The following ADCY10 variants were observed in gnomAD, a reference collection of about 807,000 sequenced individuals.
ADCY10 encodes adenylate cyclase 10, also known as adenylate cyclase type 10.
In ADCY10, 156 loss-of-function variants were observed where a neutral mutation model predicts 183.3. The observed-to-expected ratio is 0.85, with a 90% CI of 0.75 to 0.97. The LOEUF (loss-of-function observed/expected upper bound fraction) is 0.97. ADCY10 is among the 50% of genes least tolerant of loss of function. The probability of loss-of-function intolerance (pLI) is 0.00; values close to 1 mark genes in which losing one functional copy is unlikely to be tolerated. For missense variants in ADCY10, 1,745 were observed against 1,934.3 expected (o/e 0.90, Z 1.84); for synonymous variants, 645 against 670.0 (o/e 0.96, Z 0.58).
Position 167,836,388 on chromosome 1 carries a change from G to A in ADCY10, c.3230C>T (p.Ala1077Val), listed in dbSNP as rs1664196379. The change falls in exon 23 of 33, where the codon GCT becomes GTT. Residue 1077 changes from alanine to valine, a missense_variant. Physicochemically the swap from Ala to Val is moderately conservative, Grantham distance 64 (BLOSUM62 0). Coordinates refer to ENST00000367851, the MANE Select transcript of ADCY10 (RefSeq NM_018417.6). The stretch of plus-strand genomic sequence containing the variant: ...TAAGGCTTTGTCATTTTCTCCCAAA[G>A]CCAGAAAATGGTGGGCCAGAGGCAA... ...VILPLAHHFL[A>V]LGENDKALYY... 1 of 1,614,000 alleles carries A rather than the reference G, an allele frequency of 6.2e-7. No homozygotes were observed. Among genetic ancestry groups the A allele is most frequent in the African/African-American group, 1.3e-5 (1 of 74,910 alleles).
intron 21 of ADCY10, among the ~76,000 whole-genome samples, chr1:167,839,802 C>T (rs1339678516): frequency 6.6e-6 from 1 of 152,152 alleles, no homozygotes; most frequent in African/African-American, 2.4e-5. Context: ...TAGGTCACTT[C>T]CTGGCACATG....
chr1:167,905,290 G>A lies in ADCY10; in HGVS notation c.-58-92C>T, dbSNP rs181143584. ...TCCATTTGTTTTGTTCTAACCTGCG[G>A]CCTGCTTATAGTGGTGAAAATGCCA... On this transcript the variant is annotated intron_variant, in intron 1 of 32. Coordinates refer to ENST00000367851, the MANE Select transcript of ADCY10 (RefSeq NM_018417.6). 2.9e-5 allele frequency: 29 copies of A among 993,566 alleles called. No homozygotes were observed. The Middle Eastern group carries it at 9.2e-4, about 31-fold the overall frequency. 61.5% of individuals were successfully genotyped at this position (993,566 alleles called of 1,614,324 possible). A position where few individuals can be genotyped will look rare whatever the true frequency, so the allele number is the denominator to read the frequency against.
At chr1:167,845,240 G>A (rs773373768) in intron 21 of ADCY10, among the ~76,000 whole-genome samples, 7 of 152,118 alleles carry the variant, frequency 4.6e-5, no homozygotes, top group Non-Finnish European at 1.0e-4. Flanking sequence ...ATGTCAGATT[G>A]TACCCCCCTT....
intron 2 of ADCY10, 27 bp downstream of exon 2, chr1:167,904,966 T>A: frequency 6.2e-7 from 1 of 1,614,208 alleles, no homozygotes; most frequent in South Asian, 1.1e-5. Context: ...CTCATCCACA[T>A]TAAACAAACA....
In ADCY10 at chr1:167,901,755, T is replaced by A. The variant is rs200000819; in HGVS notation, c.343A>T (p.Ile115Phe). Residue 115 changes from isoleucine to phenylalanine, a missense_variant, in exon 5 of 33, where the codon ATT becomes TTT. Physicochemically the swap from Ile to Phe is conservative, Grantham distance 21 (BLOSUM62 0). Coordinates refer to ENST00000367851, the MANE Select transcript of ADCY10 (RefSeq NM_018417.6). ...CTACATTTAATTACCACTGTGATAATGTTTTTCAGCTGCTTTCGCTCCACC... is the reference window on the plus strand; with the variant it reads ...CTACATTTAATTACCACTGTGATAAAGTTTTTCAGCTGCTTTCGCTCCACC... ...WRVERKQLKN[I>F]ITVVIKCSLE... is the part of the protein sequence containing the mutation. 2 of 1,614,218 alleles carry A rather than the reference T, an allele frequency of 1.2e-6. No homozygotes were observed. The highest frequency in any genetic ancestry group is 2.2e-5 in the East Asian group (1 of 44,888).
intron 8 of ADCY10, among the ~76,000 whole-genome samples, chr1:167,893,193 G>A (rs1668716917): frequency 6.6e-6 from 1 of 152,176 alleles, no homozygotes; most frequent in Admixed American, 6.5e-5. Context: ...AAATGACTTG[G>A]AGAAATAGTG....
At chr1:167,852,399 G>A (rs1322444873) in intron 18 of ADCY10, among the ~76,000 whole-genome samples, 2 of 151,826 alleles carry the variant, frequency 1.3e-5, no homozygotes, top group East Asian at 1.9e-4. Flanking sequence ...AGCCGAGATC[G>A]TTCCACTGCA....
chr1:167,845,584 C>T lies in ADCY10; in HGVS notation c.2986G>A (p.Ala996Thr). The change falls in exon 21 of 33, where the codon GCT (alanine) becomes ACT (threonine). Residue 996 changes from alanine to threonine, a missense_variant. Coordinates refer to ENST00000367851, the MANE Select transcript of ADCY10 (RefSeq NM_018417.6). ...TTACTTTTAAATCCATGAGACATAG[C>T]CATCTTTTTAATGGCATCCATGTCT... The part of the protein sequence containing the change: ...ALDMDAIKKM[A>T]MSHGFKTEEK... 6.2e-7 allele frequency: 1 copy of T among 1,614,224 alleles called. No individual in the cohort carries two copies.
chr1:167,888,289 AT>A (rs762392846), intron 8 of ADCY10, among the ~76,000 whole-genome samples: 6 of 149,332 alleles, frequency 4.0e-5, no homozygotes, highest in African/African-American at 4.9e-5. Context: ...AAATTTTAGA[AT>A]TTTTTTTTTC....
chr1:167,847,971 C>T (rs1665166765), intron 19 of ADCY10, among the ~76,000 whole-genome samples: 2 of 152,324 alleles, frequency 1.3e-5, no homozygotes, highest in South Asian at 2.1e-4. Flanking sequence ...GACAAACAAC[C>T]AATGTTGCTG....
Position 167,846,096 on chromosome 1 carries a change from T to TTA in ADCY10, c.2604_2605insTA (p.Ile869Ter). The TTA allele has an allele frequency of 1.2e-6, 2 of 1,614,150 alleles. No homozygotes were observed. Among genetic ancestry groups the TTA allele is most frequent in the Non-Finnish European group, 1.7e-6 (2 of 1,180,024 alleles). ...TTGCCATTCCGGAAACAATAAAAAA[T>TTA]GTTAGATTCCACTAGGGTTGCCAGG... On this transcript the variant is annotated frameshift_variant, in exon 20 of 33. Coordinates refer to ENST00000367851, the MANE Select transcript of ADCY10 (RefSeq NM_018417.6). LOFTEE classifies it high-confidence loss of function.
At chr1:167,879,434 T>C (rs12039078) in intron 11 of ADCY10, among the ~76,000 whole-genome samples, 21 of 152,276 alleles carry the variant, frequency 1.4e-4, no homozygotes, top group Admixed American at 9.2e-4. Context: ...TTGAAAACTA[T>C]TTATTGTGGA....
At chr1:167,857,978 T>C (rs1666023992) in intron 16 of ADCY10, among the ~76,000 whole-genome samples, 1 of 152,194 alleles carries the variant, frequency 6.6e-6, no homozygotes, top group African/African-American at 2.4e-5. Context: ...CACAAATCCA[T>C]ATTTTTAAAG....
intron 3 of ADCY10, among the ~76,000 whole-genome samples, chr1:167,902,843 G>A (rs1465614686): frequency 2.6e-5 from 4 of 152,244 alleles, no homozygotes; most frequent in African/African-American, 9.6e-5. Flanking sequence ...CACTCTAAGT[G>A]CTTCAGCATC....
chr1:167,894,252 GAACA>G (rs1367824737), intron 7 of ADCY10, among the ~76,000 whole-genome samples: 1 of 152,168 alleles, frequency 6.6e-6, no homozygotes, highest in Non-Finnish European at 1.5e-5. Flanking sequence ...CAGGAGATGG[GAACA>G]AACAAATGAG....
At chr1:167,865,131 T>C (rs896281235) in intron 14 of ADCY10, among the ~76,000 whole-genome samples, 2 of 152,190 alleles carry the variant, frequency 1.3e-5, no homozygotes, top group African/African-American at 4.8e-5. Context: ...CTGAGTACTA[T>C]TGAAGAAACA....
intron 16 of ADCY10, among the ~76,000 whole-genome samples, chr1:167,857,538 G>A (rs1665995542): frequency 6.6e-6 from 1 of 152,056 alleles, no homozygotes; most frequent in Admixed American, 6.5e-5. Flanking sequence ...AATAAAGCAG[G>A]AACAAAAAAT....
chr1:167,866,304 G>A (rs879765184), intron 14 of ADCY10, among the ~76,000 whole-genome samples: 6 of 152,116 alleles, frequency 3.9e-5, no homozygotes, highest in East Asian at 3.8e-4. Flanking sequence ...CCATTTAGAC[G>A]CAATTGGAGT....
chr1:167,848,660 T>G (rs1477789031), intron 18 of ADCY10, among the ~76,000 whole-genome samples, 171 bp from the exon 19 acceptor site: 1 of 152,120 alleles, frequency 6.6e-6, no homozygotes, highest in Non-Finnish European at 1.5e-5. Context: ...TTTTGTTTTT[T>G]GTTTTTTTGA....
Sources: allele counts gnomAD v4.1 joint callset (sites outside exome capture counted in the v4.1 genomes callset), GRCh38; gene constraint gnomAD v4.1.1; transcripts MANE v1.5; gene names NCBI Gene and HGNC (gene_info 2026-07-23, HGNC 2026-07-21).